Variants in ADARB2 observed in about 807,000 individuals in gnomAD.
ADARB2 encodes the protein inactive double-stranded RNA-specific editase B2.
In ADARB2, 25 loss-of-function variants were observed where a neutral mutation model predicts 62.2. That is an observed-to-expected ratio of 0.40 (90% CI 0.29 to 0.56). ADARB2 has a LOEUF of 0.56. Among genes scored for constraint, ADARB2 ranks in the 20% least tolerant of loss-of-function variants. The pLI, the probability that ADARB2 is intolerant of heterozygous loss-of-function variation, is 0.43. For missense variants in ADARB2, 1,071 were observed against 1,077.4 expected (o/e 0.99, Z 0.08); for synonymous variants, 572 against 500.8 (o/e 1.14, Z -1.90).
At chr10:1,205,659 G>A (rs769925895) in intron 7 of ADARB2, among the ~76,000 whole-genome samples, 1 of 152,278 alleles carries the variant, frequency 6.6e-6, no homozygotes, top group African/African-American at 2.4e-5. Flanking sequence ...GCGGCACAGG[G>A]TGCCGTTACC....
chr10:1,633,418 T>G (rs116265479), intron 1 of ADARB2, among the ~76,000 whole-genome samples: 1,836 of 152,312 alleles, frequency 0.012, 19 homozygotes, highest in Middle Eastern at 0.034. Flanking sequence ...TCTTGGATTT[T>G]CAGAGTGTGG....
At chr10:1,671,034 T>G (rs1026897068) in intron 1 of ADARB2, among the ~76,000 whole-genome samples, 1 of 152,234 alleles carries the variant, frequency 6.6e-6, no homozygotes, top group Admixed American at 6.5e-5. Flanking sequence ...TTCAAATTCT[T>G]TCTTTGAAAA....
At chr10:1,391,057 G>C (rs886537834) in intron 1 of ADARB2, among the ~76,000 whole-genome samples, 1 of 152,198 alleles carries the variant, frequency 6.6e-6, no homozygotes, top group Non-Finnish European at 1.5e-5. Flanking sequence ...AGTCTAAGAT[G>C]AAAGTTTACT....
chr10:1,572,710 G>A lies in ADARB2; in HGVS notation c.100+164341C>T, dbSNP rs79644029. Among the ~76,000 whole-genome samples, 407 of 152,316 alleles carry A rather than the reference G, an allele frequency of 2.7e-3. 13 individuals carry two copies. The East Asian group carries it at 0.07, about 26-fold the overall frequency. On this transcript the variant is annotated intron_variant, in intron 1 of 9. Coordinates refer to ENST00000381312, the MANE Select transcript of ADARB2 (RefSeq NM_018702.4). The stretch of plus-strand genomic sequence containing the variant: ...AAAGCTTTGTTAAGAGAGAGGGCTG[G>A]GGAAGAAGGGCAGTGAAGAGGAGGT...
At chr10:1,468,223 G>A (rs536103763) in intron 1 of ADARB2, among the ~76,000 whole-genome samples, 44 of 152,156 alleles carry the variant, frequency 2.9e-4, no homozygotes, top group Non-Finnish European at 5.3e-4. Flanking sequence ...AGCCAAGCCC[G>A]GTTGCCTCTT....
intron 1 of ADARB2, among the ~76,000 whole-genome samples, chr10:1,637,473 G>C (rs981589927): frequency 2.6e-5 from 4 of 152,208 alleles, no homozygotes; most frequent in African/African-American, 9.7e-5. Flanking sequence ...AAGATGGCAA[G>C]GGTTTTTGTC....
At chr10:1,449,497 C>T (rs1447639449) in intron 1 of ADARB2, among the ~76,000 whole-genome samples, 2 of 152,214 alleles carry the variant, frequency 1.3e-5, no homozygotes, top group African/African-American at 4.8e-5. Flanking sequence ...ACTTCTGCTT[C>T]CTCTCCCCTA....
chr10:1,245,680 T>G (rs1333318575), intron 4 of ADARB2, among the ~76,000 whole-genome samples: 3 of 152,218 alleles, frequency 2.0e-5, no homozygotes, highest in African/African-American at 7.2e-5. Flanking sequence ...TCCTTTTTTA[T>G]GGCTGCATAG....
chr10:1,615,241 T>G (rs909350106), intron 1 of ADARB2, among the ~76,000 whole-genome samples: 1 of 152,240 alleles, frequency 6.6e-6, no homozygotes, highest in Admixed American at 6.5e-5. Flanking sequence ...CACTCTCCAC[T>G]GCCTGCCCCA....
intron 1 of ADARB2, among the ~76,000 whole-genome samples, chr10:1,660,967 C>G (rs535596751): frequency 6.6e-5 from 10 of 152,152 alleles, no homozygotes; most frequent in African/African-American, 1.9e-4. Flanking sequence ...GATAAACCCC[C>G]CCTCTGACCA....
chr10:1,471,922 C>T (rs1180755764), intron 1 of ADARB2, among the ~76,000 whole-genome samples: 2 of 152,234 alleles, frequency 1.3e-5, no homozygotes, highest in Non-Finnish European at 2.9e-5. Context: ...ACAGCGGTCT[C>T]TGGGTACCGT....
At chr10:1,493,230 C>T (rs186929766) in intron 1 of ADARB2, among the ~76,000 whole-genome samples, 9 of 152,226 alleles carry the variant, frequency 5.9e-5, no homozygotes, top group Non-Finnish European at 1.0e-4. Flanking sequence ...TTTATTTTTG[C>T]TATTGGATAA....
chr10:1,219,299 T>C (rs1021955266), intron 6 of ADARB2, among the ~76,000 whole-genome samples: 6 of 152,234 alleles, frequency 3.9e-5, no homozygotes, highest in Non-Finnish European at 8.8e-5. Flanking sequence ...TGCTGAATGG[T>C]AACTAATGCT....
chr10:1,541,280 C>T (rs1201976482), intron 1 of ADARB2, among the ~76,000 whole-genome samples: 1 of 39,868 alleles, frequency 2.5e-5, no homozygotes, highest in Non-Finnish European at 5.4e-5. Context: ...GGATCACAGC[C>T]GCCCAGACCC....
chr10:1,192,487 C>A (rs1037941277), intron 8 of ADARB2, among the ~76,000 whole-genome samples: 1 of 152,322 alleles, frequency 6.6e-6, no homozygotes, highest in Middle Eastern at 3.4e-3. Context: ...CCGTTTTATT[C>A]ATTATCATTG....
chr10:1,366,647 C>G (rs146341540), intron 2 of ADARB2, among the ~76,000 whole-genome samples: 1 of 152,142 alleles, frequency 6.6e-6, no homozygotes, highest in Non-Finnish European at 1.5e-5. Context: ...ATCGGATCAC[C>G]CTCGTCTGTG....
intron 8 of ADARB2, among the ~76,000 whole-genome samples, chr10:1,186,138 C>T (rs747835275): frequency 6.6e-6 from 1 of 152,240 alleles, no homozygotes; most frequent in Non-Finnish European, 1.5e-5. Flanking sequence ...CTGAAGGCTG[C>T]ATTTGGCAAT....
intron 1 of ADARB2, among the ~76,000 whole-genome samples, chr10:1,462,866 G>C (rs1477690071): frequency 1.3e-5 from 2 of 152,198 alleles, no homozygotes; most frequent in Admixed American, 1.3e-4. Flanking sequence ...ATGTGTATGT[G>C]AATGTATGTG....
intron 3 of ADARB2, among the ~76,000 whole-genome samples, chr10:1,331,560 G>T (rs532045558): frequency 6.6e-6 from 1 of 152,342 alleles, no homozygotes; most frequent in East Asian, 1.9e-4. Flanking sequence ...GAGACAGAAA[G>T]ATCAGTGGTT....
Sources: gnomAD v4.1 joint callset for allele counts (sites outside exome capture counted in the v4.1 genomes callset) on GRCh38, gnomAD v4.1.1 for gene constraint, MANE v1.5 for transcripts, NCBI Gene and HGNC (gene_info 2026-07-23, HGNC 2026-07-21) for gene names.